The following ABCB5 variants were observed in gnomAD, a reference collection of about 807,000 sequenced individuals.
The protein encoded by ABCB5 is ATP-binding cassette sub-family B member 5.
A neutral mutation model predicts 144.2 loss-of-function variants in ABCB5; 155 were observed. That is an observed-to-expected ratio of 1.08 (90% CI 0.94 to 1.23). ABCB5 has a LOEUF of 1.23. Ranked by LOEUF, ABCB5 falls within the 50% of genes most tolerant of loss-of-function variation. The pLI is 0.00. For synonymous variants in ABCB5, 610 were observed against 528.6 expected, an observed-to-expected ratio of 1.15 and a Z score of -2.11; for missense variants, 1,830 against 1,520.8, an observed-to-expected ratio of 1.20 and a Z score of -3.38.
chr7:20,713,627 G>A lies in ABCB5; in HGVS notation c.2421+8820G>A, dbSNP rs148500148. ...CATTTCTATAAATATTCTGGGTTTT[G>A]TTGTGGAATACAGTTAAGTTACCTG... On this transcript the variant is annotated intron_variant, in intron 20 of 27. Coordinates refer to ENST00000404938, the MANE Select transcript of ABCB5 (RefSeq NM_001163941.2). 2.7e-5 allele frequency among the ~76,000 whole-genome samples: 4 copies of A among 149,804 alleles called. 1 individual carries two copies. The East Asian group carries it at 7.9e-4, about 30-fold the overall frequency.
chr7:20,646,633 CTT>C (rs1784417716), intron 9 of ABCB5, among the ~76,000 whole-genome samples: 2 of 152,294 alleles, frequency 1.3e-5, no homozygotes, highest in African/African-American at 4.8e-5. Context: ...AGTTTGGAGA[CTT>C]TTAAATTCTT....
At chr7:20,620,102 T>C (rs1783777660) in intron 1 of ABCB5, among the ~76,000 whole-genome samples, 1 of 152,206 alleles carries the variant, frequency 6.6e-6, no homozygotes, top group African/African-American at 2.4e-5. Flanking sequence ...AGTCAGGTAA[T>C]GTGATGTGTT....
chr7:20,669,684 C>A (rs1429284925), intron 14 of ABCB5, among the ~76,000 whole-genome samples: 1 of 130,908 alleles, frequency 7.6e-6, no homozygotes, highest in African/African-American at 3.0e-5. Context: ...TATGACCCTG[C>A]CAAATCCCCC....
intron 20 of ABCB5, among the ~76,000 whole-genome samples, chr7:20,714,000 C>T (rs1430954839): frequency 1.3e-5 from 2 of 152,198 alleles, no homozygotes. Context: ...CACCTGGAAA[C>T]TCTTAAGGTA....
chr7:20,624,012 G>C (rs551567225), intron 2 of ABCB5, among the ~76,000 whole-genome samples: 2 of 152,234 alleles, frequency 1.3e-5, no homozygotes, highest in East Asian at 3.9e-4. Flanking sequence ...ATTCCATTTA[G>C]GAACATTTTG....
At chr7:20,643,761 C>T in intron 7 of ABCB5, 129 bp downstream of exon 7, 2 of 960,698 alleles carry the variant, frequency 2.1e-6, no homozygotes. Flanking sequence ...TATTATACAC[C>T]ACAAATACTT....
At chr7:20,708,511 A>T (rs937596756) in intron 20 of ABCB5, among the ~76,000 whole-genome samples, 2 of 152,166 alleles carry the variant, frequency 1.3e-5, no homozygotes, top group Non-Finnish European at 2.9e-5. Flanking sequence ...CTGAAAAAAA[A>T]TTGTTTTTCA....
At chr7:20,655,270 G>C (rs1213128671) in intron 13 of ABCB5, among the ~76,000 whole-genome samples, 1 of 152,100 alleles carries the variant, frequency 6.6e-6, no homozygotes, top group East Asian at 1.9e-4. Context: ...AAAGGAGTTT[G>C]TTACCAGCCT....
In ABCB5 at chr7:20,651,584, G is replaced by A. The variant is rs1784592041; in HGVS notation, c.1497G>A (p.Arg499=). ...ATGAAGAGATGGAGAGAGCAGCAAG[G>A]GAAGCAAATGCGTATGATTTTATCA... ...VTDEEMERAA[R]EANAYDFIME... The change falls in exon 13 of 28, where the codon AGG becomes AGA. Residue 499 remains arginine (R), a synonymous_variant. Transcript: ENST00000404938. The A allele has an allele frequency of 6.2e-7, 1 of 1,614,086 alleles. No homozygotes were observed. Among genetic ancestry groups the A allele is most frequent in the Non-Finnish European group, 8.5e-7 (1 of 1,179,982 alleles).
At chr7:20,700,243 C>A (rs749501393) in intron 19 of ABCB5, 108 bp downstream of exon 19, 143 of 1,005,468 alleles carry the variant, frequency 1.4e-4, no homozygotes, top group Non-Finnish European at 2.0e-4. Context: ...TCTTTGAAAG[C>A]ACACTCTTTT....
intron 20 of ABCB5, among the ~76,000 whole-genome samples, chr7:20,715,126 C>A (rs1781628024): frequency 6.6e-6 from 1 of 152,116 alleles, no homozygotes; most frequent in Non-Finnish European, 1.5e-5. Context: ...CTCACTGCAA[C>A]CTTCACCTCC....
intron 20 of ABCB5, among the ~76,000 whole-genome samples, chr7:20,720,745 A>G (rs1270504654): frequency 6.6e-6 from 1 of 151,972 alleles, no homozygotes; most frequent in African/African-American, 2.4e-5. Flanking sequence ...GGAGATCGAG[A>G]CCATCCTGGC....
At chr7:20,687,887 A>G (rs980796421) in intron 16 of ABCB5, among the ~76,000 whole-genome samples, 1 of 152,086 alleles carries the variant, frequency 6.6e-6, no homozygotes, top group African/African-American at 2.4e-5. Context: ...CCCATCTCTG[A>G]AATAAATAAA....
intron 13 of ABCB5, among the ~76,000 whole-genome samples, chr7:20,655,697 A>G (rs1784764573): frequency 6.6e-6 from 1 of 152,228 alleles, no homozygotes; most frequent in African/African-American, 2.4e-5. Flanking sequence ...TTGATTTAGA[A>G]ACTCCATATT....
At chr7:20,663,587 G>A (rs1240698392) in intron 14 of ABCB5, among the ~76,000 whole-genome samples, 1 of 152,142 alleles carries the variant, frequency 6.6e-6, no homozygotes, top group Non-Finnish European at 1.5e-5. Context: ...CTTGGGGGAT[G>A]GGAAAGCGGG....
rs918679465 is a variant in ABCB5 at position 20,723,030 on chromosome 7, G to A, written c.2436G>A (p.Arg812=). Residue 812 remains arginine, a synonymous_variant, in exon 21 of 28, where the codon AGG becomes AGA. Coordinates refer to ENST00000404938, the MANE Select transcript of ABCB5 (RefSeq NM_001163941.2). ...IAQIQGATGS[R]IGVLTQNATN... The stretch of plus-strand genomic sequence containing the variant: ...TCTGATTATAGGCAACAGGTTCCAG[G>A]ATTGGCGTCTTAACACAAAATGCAA... The A allele has an allele frequency of 5.0e-6, 8 of 1,614,060 alleles. No homozygotes were observed. Among genetic ancestry groups the A allele is most frequent in the Non-Finnish European group, 6.8e-6 (8 of 1,180,002 alleles).
chr7:20,641,351 AAACACAC>A (rs1480401665), intron 5 of ABCB5, among the ~76,000 whole-genome samples: 6 of 130,620 alleles, frequency 4.6e-5, no homozygotes, highest in Admixed American at 7.7e-5. Flanking sequence ...TATTATTGCA[AAACACAC>A]ACACACACAC....
At chr7:20,735,513 T>C (rs1782354197) in intron 23 of ABCB5, among the ~76,000 whole-genome samples, 1 of 152,198 alleles carries the variant, frequency 6.6e-6, no homozygotes, top group South Asian at 2.1e-4. Flanking sequence ...CAGGAAAGAC[T>C]TCTTTCCATG....
intron 20 of ABCB5, among the ~76,000 whole-genome samples, chr7:20,710,595 G>A (rs1786997398): frequency 6.7e-6 from 1 of 149,346 alleles, no homozygotes; most frequent in African/African-American, 2.5e-5. Flanking sequence ...GTCAACCCAC[G>A]CAATAAAAAA....
Sources: allele counts gnomAD v4.1 joint callset (sites outside exome capture counted in the v4.1 genomes callset), GRCh38; gene constraint gnomAD v4.1.1; transcripts MANE v1.5; gene names NCBI Gene and HGNC (gene_info 2026-07-23, HGNC 2026-07-21).